Variants in ZIM2 observed in about 807,000 individuals in gnomAD.
ZIM2 encodes zinc finger imprinted 2.
In ZIM2, 14 loss-of-function variants were observed where a neutral mutation model predicts 38.6. The ratio of observed to expected loss-of-function variants is 0.36; its 90% confidence interval spans 0.24 to 0.57. The LOEUF is 0.57. Among genes scored for constraint, ZIM2 ranks in the 20% least tolerant of loss-of-function variants. The pLI is 0.81. For missense variants in ZIM2, 680 were observed against 695.1 expected, an observed-to-expected ratio of 0.98 and a Z score of 0.24; for synonymous variants, 247 against 245.8, an observed-to-expected ratio of 1.00 and a Z score of -0.04.
chr19:56,802,460 C>T (rs929268752), intron 9 of ZIM2, among the ~76,000 whole-genome samples: 1 of 152,178 alleles, frequency 6.6e-6, no homozygotes, highest in African/African-American at 2.4e-5. Flanking sequence ...GCCTGTCAAT[C>T]CCCTTGCAGT....
chr19:56,798,912 G>A (rs2145973744), intron 9 of ZIM2: 1 of 152,238 alleles, frequency 6.6e-6, no homozygotes, highest in Admixed American at 6.5e-5. Context: ...ACCACAATGA[G>A]ATACCATCTC....
chr19:56,820,815 G>A lies in ZIM2; in HGVS notation c.294+836C>T, dbSNP rs187059981. On this transcript the variant is annotated intron_variant, in intron 7 of 12. Coordinates refer to ENST00000629319, the MANE Select transcript of ZIM2 (RefSeq NM_001387356.1). ...TCAGGGCAGGGCCCCTCTCTGTGTTGCTCACTGCTGTGCCCCCCAGGGCCT... is the reference window on the plus strand; with the variant it reads ...TCAGGGCAGGGCCCCTCTCTGTGTTACTCACTGCTGTGCCCCCCAGGGCCT... Among the ~76,000 whole-genome samples the A allele has an allele frequency of 2.6e-5, 4 of 152,328 alleles. No individual in the cohort carries two copies. In the East Asian group the frequency reaches 7.7e-4, roughly 29 times the overall value.
At position 56,822,768 on chromosome 19, in the gene ZIM2, T is replaced by C. The variant is rs778726860; in HGVS notation, c.175A>G (p.Arg59Gly). Residue 59 changes from arginine (R) to glycine (G), a missense_variant, in exon 6 of 13, where the codon AGG (arginine) becomes GGG (glycine). Coordinates refer to ENST00000629319, the MANE Select transcript of ZIM2 (RefSeq NM_001387356.1). Reference protein sequence around the residue: ...MEPRDRWSHTRNPRSRMPPRD... With the variant: ...MEPRDRWSHTGNPRSRMPPRD... ...TAAGACTCACTGCTTCTTGGGTTCC[T>C]GGTGTGGGACCAGCGGTCTCGTGGC... 5.0e-6 allele frequency: 8 copies of C among 1,614,050 alleles called. No individual in the cohort carries two copies. In the South Asian group the frequency reaches 5.5e-5, roughly 11 times the overall value.
chr19:56,830,117 A>T (rs2061439280), intron 2 of ZIM2, among the ~76,000 whole-genome samples: 2 of 152,214 alleles, frequency 1.3e-5, no homozygotes, highest in South Asian at 2.1e-4. Context: ...AGAACAACAG[A>T]GCACCTGTAT....
At chr19:56,801,977 C>T (rs1255295819) in intron 9 of ZIM2, among the ~76,000 whole-genome samples, 1 of 152,066 alleles carries the variant, frequency 6.6e-6, no homozygotes, top group Non-Finnish European at 1.5e-5. Context: ...ATCCCAGGTC[C>T]CCTAACTAAC....
intron 2 of ZIM2, among the ~76,000 whole-genome samples, chr19:56,827,651 G>A (rs1759353348): frequency 6.6e-6 from 1 of 152,174 alleles, no homozygotes; most frequent in Non-Finnish European, 1.5e-5. Flanking sequence ...ATTTACCTCA[G>A]AGATATGTAA....
intron 1 of ZIM2, among the ~76,000 whole-genome samples, chr19:56,836,894 C>T (rs1395624551): frequency 5.6e-5 from 8 of 144,022 alleles, no homozygotes; most frequent in African/African-American, 1.3e-4. Flanking sequence ...CACTTGAACC[C>T]GGGAGGCAGA....
intron 9 of ZIM2, chr19:56,811,668 G>A (rs186131600): frequency 1.5e-4 from 151 of 985,352 alleles, no homozygotes; most frequent in Non-Finnish European, 1.7e-4. Context: ...ACTGATTCTC[G>A]TTTCAAGAGT....
chr19:56,792,647 A>G (rs558774991), intron 9 of ZIM2, among the ~76,000 whole-genome samples: 78 of 152,156 alleles, frequency 5.1e-4, no homozygotes, highest in Non-Finnish European at 9.6e-4. Flanking sequence ...ATAAACACGG[A>G]AAATTCCAAA....
chr19:56,810,105 T>G (rs1184525564), intron 9 of ZIM2: 2 of 927,436 alleles, frequency 2.2e-6, no homozygotes, highest in East Asian at 2.3e-4. Context: ...TTATTTTTAT[T>G]GTTGACACTA....
At chr19:56,804,878 ATAGTT>A (rs1434268396) in intron 9 of ZIM2, among the ~76,000 whole-genome samples, 5 of 152,232 alleles carry the variant, frequency 3.3e-5, no homozygotes, top group Non-Finnish European at 7.3e-5. Flanking sequence ...GAGGCACAGA[ATAGTT>A]AAGGAAATAA....
intron 2 of ZIM2, among the ~76,000 whole-genome samples, chr19:56,834,217 A>G (rs187777874): frequency 1.2e-4 from 19 of 152,328 alleles, no homozygotes; most frequent in Admixed American, 1.0e-3. Context: ...CCATCCAACC[A>G]TCTACAGGAT....
chr19:56,839,227 G>C (rs1381513537), intron 1 of ZIM2, among the ~76,000 whole-genome samples: 2 of 151,496 alleles, frequency 1.3e-5, no homozygotes, highest in Non-Finnish European at 2.9e-5. Context: ...CAACCAACCA[G>C]GACAGCACCT....
chr19:56,807,497 C>T (rs1250354926), intron 9 of ZIM2, among the ~76,000 whole-genome samples: 1 of 152,128 alleles, frequency 6.6e-6, no homozygotes, highest in Non-Finnish European at 1.5e-5. Context: ...ATATCTCTGA[C>T]AGGGCAACAA....
At position 56,818,543 on chromosome 19, in the gene ZIM2, G is replaced by A. The variant is rs1057297768; in HGVS notation, c.397+57C>T. 3 of 1,581,526 alleles carry A rather than the reference G, an allele frequency of 1.9e-6. No homozygotes were observed. In the African/African-American group the frequency reaches 4.0e-5, roughly 21 times the overall value. ...TAACATCCAGCTTAAAAAGGAGCAA[G>A]ATGACAAAATGCTCCAATGACTGGA... On this transcript the variant is annotated intron_variant, in intron 8 of 12. Coordinates refer to ENST00000629319, the MANE Select transcript of ZIM2 (RefSeq NM_001387356.1).
intron 2 of ZIM2, among the ~76,000 whole-genome samples, chr19:56,828,462 A>G (rs1268361765): frequency 6.6e-6 from 1 of 152,222 alleles, no homozygotes; most frequent in Non-Finnish European, 1.5e-5. Flanking sequence ...ATACAGTTCA[A>G]AAGTGTGTTC....
chr19:56,839,748 A>G (rs915397979), intron 1 of ZIM2, among the ~76,000 whole-genome samples: 2 of 152,116 alleles, frequency 1.3e-5, no homozygotes, highest in African/African-American at 4.8e-5. Flanking sequence ...GCCTCGCCCC[A>G]TCTGCCACCA....
chr19:56,836,108 T>C lies in ZIM2; in HGVS notation c.-313-4A>G. 4.2e-6 allele frequency: 2 copies of C among 473,362 alleles called. No homozygotes were observed. Among genetic ancestry groups the C allele is most frequent in the East Asian group, 6.2e-5 (1 of 16,062 alleles). 29.3% of individuals were successfully genotyped at this position (473,362 alleles called of 1,614,324 possible). On this transcript the variant is annotated splice_polypyrimidine_tract_variant and splice_region_variant and intron_variant, in intron 1 of 12. Coordinates refer to ENST00000629319, the MANE Select transcript of ZIM2 (RefSeq NM_001387356.1). ...ACGGAAGATCAAGAAGGCAAAGCTG[T>C]AGAGGAAAAGAAAATGTGAGACGCC...
In ZIM2 at chr19:56,805,617, G is replaced by A. The variant is rs557866190; in HGVS notation, c.490+12129C>T. Among the ~76,000 whole-genome samples, 33 of 152,266 alleles carry A rather than the reference G, an allele frequency of 2.2e-4. No homozygotes were observed. In the South Asian group the frequency reaches 6.9e-3, roughly 32 times the overall value. ...AGTGATGGCATATGGATCTCTTGTG[G>A]GTTAAAACGTGAGGTCCTGAAAGGA... On this transcript the variant is annotated intron_variant, in intron 9 of 12. Transcript: ENST00000629319.
Sources: gnomAD v4.1 joint callset for allele counts (sites outside exome capture counted in the v4.1 genomes callset) on GRCh38, gnomAD v4.1.1 for gene constraint, MANE v1.5 for transcripts, NCBI Gene and HGNC (gene_info 2026-07-23, HGNC 2026-07-21) for gene names.